Variants in KLF2 observed in about 807,000 individuals in gnomAD.
The protein encoded by KLF2 is KLF transcription factor 2.
A neutral mutation model predicts 22.2 loss-of-function variants in KLF2; 9 were observed. The ratio of observed to expected loss-of-function variants is 0.40; its 90% CI spans 0.24 to 0.71. KLF2 has a LOEUF of 0.71. Among genes scored for constraint, KLF2 ranks in the 30% least tolerant of loss-of-function variants. The pLI is 0.35. For synonymous variants in KLF2, 299 were observed against 264.2 expected (o/e 1.13, Z -1.28); for missense variants, 481 against 542.1 (o/e 0.89, Z 1.12).
rs1259142892 is a variant in KLF2, at chr19:16,327,351, T to C, written c.*320T>C. ...GAGGCTTGTGATGCCTTGTGAGAAA[T>C]AAGGGCCTTAATTTGTACTGTCTGC... On this transcript the variant is annotated 3_prime_UTR_variant, in exon 3 of 3. Coordinates refer to ENST00000248071, the MANE Select transcript of KLF2 (RefSeq NM_016270.4). The C allele has an allele frequency of 3.4e-6, 1 of 289,864 alleles. No individual in the cohort carries two copies. Among genetic ancestry groups the C allele is most frequent in the African/African-American group, 2.2e-5 (1 of 45,428 alleles). 18.0% of individuals were successfully genotyped at this position (289,864 alleles called of 1,614,324 possible).
In KLF2 at chr19:16,325,381, C is replaced by T. The variant is rs1377708631; in HGVS notation, c.241C>T (p.Pro81Ser). The T allele has an allele frequency of 7.0e-7, 1 of 1,427,802 alleles. No individual in the cohort carries two copies. Among genetic ancestry groups the T allele is most frequent in the Non-Finnish European group, 9.1e-7 (1 of 1,102,692 alleles). 88.4% of individuals were successfully genotyped at this position (1,427,802 alleles called of 1,614,324 possible). The stretch of plus-strand genomic sequence containing the variant: ...GTTCTATTACCCCGAACCCGGCGCG[C>T]CCCCGCCCTACAGCGCCCCCGCGGG... ...PAFYYPEPGA[P>S]PPYSAPAGGL... The change falls in exon 2 of 3, where the codon CCC becomes TCC. Residue 81 changes from proline (P) to serine (S), a missense_variant. Physicochemically the swap from Pro to Ser is moderately conservative, Grantham distance 74. Around this residue, in one of 2 missense-constraint regions of KLF2, gnomAD observed 421 missense variants for 435.1 expected, o/e 0.97. Coordinates refer to ENST00000248071, the MANE Select transcript of KLF2 (RefSeq NM_016270.4).
At position 16,326,983 on chromosome 19, in the gene KLF2, C is replaced by T. The variant is rs763410899; in HGVS notation, c.1020C>T (p.Ala340=). The T allele has an allele frequency of 6.2e-7, 1 of 1,612,880 alleles. No individual in the cohort carries two copies. Among genetic ancestry groups the T allele is most frequent in the Non-Finnish European group, 8.5e-7 (1 of 1,179,714 alleles). The change falls in exon 3 of 3, where the codon GCC becomes GCT. Residue 340 remains alanine (A), a synonymous_variant. Transcript: ENST00000248071. The part of the protein sequence containing the change: ...RPFQCHLCDR[A]FSRSDHLALH... ...TCCAGTGCCATCTGTGCGATCGTGC[C>T]TTCTCGCGCTCCGATCACCTGGCGC...
intron 2 of KLF2, among the ~76,000 whole-genome samples, chr19:16,326,437 G>A (rs532961837): frequency 3.1e-4 from 47 of 152,146 alleles, no homozygotes; most frequent in Non-Finnish European, 5.6e-4. Flanking sequence ...TAGTTGGGGA[G>A]TAGGTGCGCG....
Position 16,325,935 on chromosome 19 carries a change from C to A in KLF2, c.795C>A (p.Pro265=). 1 of 1,530,350 alleles carries A rather than the reference C, an allele frequency of 6.5e-7. No individual in the cohort carries two copies. Among genetic ancestry groups the A allele is most frequent in the Non-Finnish European group, 8.8e-7 (1 of 1,140,258 alleles). The allele number at this position is 1,530,350 out of a possible 1,614,324, so 94.8% of individuals were successfully genotyped here. A position where few individuals can be genotyped will look rare whatever the true frequency, so the allele number is the denominator to read the frequency against. Residue 265 remains proline (P), a synonymous_variant, in exon 2 of 3, where the codon CCC becomes CCA. Coordinates refer to ENST00000248071, the MANE Select transcript of KLF2 (RefSeq NM_016270.4). ...CAAAGCGCGGCCGCCGCTCTTGGCC[C>A]CGCAAACGCACCGCCACTCACACCT... The part of the protein sequence containing the change: ...AKPKRGRRSW[P]RKRTATHTCS...
In KLF2 at chr19:16,325,614, G is replaced by C. The variant is rs1393887110; in HGVS notation, c.474G>C (p.Ser158=). Reference sequence around the variant, plus strand: ...AGGGCGCCCCGGGCCCGGCGGCTTCGTGCATGCGAGGTCCCGGGGGCCGCC... The same window carrying C: ...AGGGCGCCCCGGGCCCGGCGGCTTCCTGCATGCGAGGTCCCGGGGGCCGCC... ...KREGAPGPAA[S]CMRGPGGRPP... The change falls in exon 2 of 3, where the codon TCG becomes TCC. Residue 158 remains serine, a synonymous_variant. Coordinates refer to ENST00000248071, the MANE Select transcript of KLF2 (RefSeq NM_016270.4). 2 of 1,116,778 alleles carry C rather than the reference G, an allele frequency of 1.8e-6. No individual in the cohort carries two copies. Among genetic ancestry groups the C allele is most frequent in the African/African-American group, 3.4e-5 (2 of 59,632 alleles). The allele number at this position is 1,116,778 out of a possible 1,614,324, so 69.2% of individuals were successfully genotyped here. A position where few individuals can be genotyped will look rare whatever the true frequency, so the allele number is the denominator to read the frequency against.
Position 16,327,924 on chromosome 19 carries a change from T to G in KLF2, c.*893T>G, listed in dbSNP as rs978947898. On this transcript the variant is annotated 3_prime_UTR_variant, in exon 3 of 3. Transcript: ENST00000248071. ...CTGGAGTGCCAGCTCTATATTTTTA[T>G]TTTTATTTTTAAAGGGGGTTAACCT... 2.0e-4 allele frequency: 30 copies of G among 152,150 alleles called. No homozygotes were observed. The highest frequency in any genetic ancestry group is 2.0e-3 in the Admixed American group (30 of 15,260). 9.4% of individuals were successfully genotyped at this position (152,150 alleles called of 1,614,324 possible).
At position 16,325,641 on chromosome 19, in the gene KLF2, CCCG is replaced by C; in HGVS notation, c.510_512del (p.Pro171del). ...GCATGCGAGGTCCCGGGGGCCGCCC[CCCG>C]CCGCCGCCCGACACACCGCCGCTCA... On this transcript the variant is annotated inframe_deletion, in exon 2 of 3. Transcript: ENST00000248071. 2 of 1,067,798 alleles carry C rather than the reference CCCG, an allele frequency of 1.9e-6. No homozygotes were observed. Among genetic ancestry groups the C allele is most frequent in the Non-Finnish European group, 2.3e-6 (2 of 887,358 alleles). The allele number at this position is 1,067,798 out of a possible 1,614,324, so 66.1% of individuals were successfully genotyped here.
At position 16,327,156 on chromosome 19, in the gene KLF2, A is replaced by C; in HGVS notation, c.*125A>C. 3.2e-6 allele frequency: 3 copies of C among 944,082 alleles called. No individual in the cohort carries two copies. The highest frequency in any genetic ancestry group is 4.5e-6 in the Non-Finnish European group (3 of 660,218). 58.5% of individuals were successfully genotyped at this position (944,082 alleles called of 1,614,324 possible). A position where few individuals can be genotyped will look rare whatever the true frequency, so the allele number is the denominator to read the frequency against. On this transcript the variant is annotated 3_prime_UTR_variant, in exon 3 of 3. Transcript: ENST00000248071. ...ACCGGGCCGGGCACAGCGTGGCTAC[A>C]GAGGGTCTCCCTCGATGACGACGAC...
In KLF2 at chr19:16,326,964, G is replaced by T; in HGVS notation, c.1001G>T (p.Cys334Phe). ...CACACGGGCCACCGGCCATTCCAGT[G>T]CCATCTGTGCGATCGTGCCTTCTCG... ...RKHTGHRPFQ[C>F]HLCDRAFSRS... Residue 334 changes from cysteine (C) to phenylalanine (F), a missense_variant, in exon 3 of 3, where the codon TGC (cysteine) becomes TTC (phenylalanine). Transcript: ENST00000248071. The T allele has an allele frequency of 6.2e-7, 1 of 1,613,518 alleles. No homozygotes were observed.
chr19:16,325,404 G>C lies in KLF2; in HGVS notation c.264G>C (p.Ala88=). The change falls in exon 2 of 3, where the codon GCG becomes GCC. Residue 88 remains alanine (A), a synonymous_variant. Coordinates refer to ENST00000248071, the MANE Select transcript of KLF2 (RefSeq NM_016270.4). ...CGCCCCCGCCCTACAGCGCCCCCGC[G>C]GGTGGCCTGGTGTCTGAGCTGCTGC... The part of the protein sequence containing the change: ...PGAPPPYSAP[A]GGLVSELLRP... 2.1e-6 allele frequency: 3 copies of C among 1,424,804 alleles called. No homozygotes were observed. The highest frequency in any genetic ancestry group is 2.7e-6 in the Non-Finnish European group (3 of 1,101,148). The allele number at this position is 1,424,804 out of a possible 1,614,324, so 88.3% of individuals were successfully genotyped here.
In KLF2 at chr19:16,327,139, G is replaced by A; in HGVS notation, c.*108G>A. ...TTTATTGGACCCAGAGAACCGGGCCGGGCACAGCGTGGCTACAGAGGGTCT... is the reference window on the plus strand; with the variant it reads ...TTTATTGGACCCAGAGAACCGGGCCAGGCACAGCGTGGCTACAGAGGGTCT... On this transcript the variant is annotated 3_prime_UTR_variant, in exon 3 of 3. Transcript: ENST00000248071. 5 of 1,127,326 alleles carry A rather than the reference G, an allele frequency of 4.4e-6. No homozygotes were observed. The highest frequency in any genetic ancestry group is 2.7e-5 in the East Asian group (1 of 37,536). 69.8% of individuals were successfully genotyped at this position (1,127,326 alleles called of 1,614,324 possible). A position where few individuals can be genotyped will look rare whatever the true frequency, so the allele number is the denominator to read the frequency against.
Position 16,328,578 on chromosome 19 carries a change from C to T in KLF2, c.*1547C>T, listed in dbSNP as rs2091896911. ...CTGCATCCTTCCTCCTCCCCAACTA[C>T]GGCAGCCCTGGAAACAGCTGAGAGG... On this transcript the variant is annotated 3_prime_UTR_variant, in exon 3 of 3. Coordinates refer to ENST00000248071, the MANE Select transcript of KLF2 (RefSeq NM_016270.4). Among the ~76,000 whole-genome samples, 1 of 152,196 alleles carries T rather than the reference C, an allele frequency of 6.6e-6. No homozygotes were observed. The highest frequency in any genetic ancestry group is 1.5e-5 in the Non-Finnish European group (1 of 68,038).
At chr19:16,326,232 A>G (rs999930303) in intron 2 of KLF2, among the ~76,000 whole-genome samples, 200 bp downstream of exon 2, 4 of 141,132 alleles carry the variant, frequency 2.8e-5, no homozygotes, top group African/African-American at 1.1e-4. Context: ...AACACTCCCT[A>G]AGGAAGTGTG....
Position 16,325,438 on chromosome 19 carries a change from C to A in KLF2, c.298C>A (p.Leu100Met), listed in dbSNP as rs1294007404. 1 of 1,416,542 alleles carries A rather than the reference C, an allele frequency of 7.1e-7. No individual in the cohort carries two copies. The highest frequency in any genetic ancestry group is 9.1e-7 in the Non-Finnish European group (1 of 1,094,188). 87.7% of individuals were successfully genotyped at this position (1,416,542 alleles called of 1,614,324 possible). A position where few individuals can be genotyped will look rare whatever the true frequency, so the allele number is the denominator to read the frequency against. The change falls in exon 2 of 3, where the codon CTG becomes ATG. Residue 100 changes from leucine to methionine, a missense_variant. Around this residue, in one of 2 missense-constraint regions of KLF2, gnomAD observed 421 missense variants for 435.1 expected, o/e 0.97. Coordinates refer to ENST00000248071, the MANE Select transcript of KLF2 (RefSeq NM_016270.4). ...GGTGTCTGAGCTGCTGCGACCCGAG[C>A]TGGATGCGCCGCTGGGGCCCGCACT... Reference protein sequence around the residue: ...GLVSELLRPELDAPLGPALHG... With the variant: ...GLVSELLRPEMDAPLGPALHG...
rs1160761005 is a variant in KLF2, at chr19:16,328,210, C to T, written c.*1179C>T. 6.6e-6 allele frequency among the ~76,000 whole-genome samples: 1 copy of T among 152,038 alleles called. No homozygotes were observed. Among genetic ancestry groups the T allele is most frequent in the Admixed American group, 6.6e-5 (1 of 15,236 alleles). On this transcript the variant is annotated 3_prime_UTR_variant, in exon 3 of 3. Transcript: ENST00000248071. ...GGGAGTGGTAGCTTTCTACAATGACCCACCTGTTGTGTGCATTGGAAGGCT... is the reference window on the plus strand; with the variant it reads ...GGGAGTGGTAGCTTTCTACAATGACTCACCTGTTGTGTGCATTGGAAGGCT...
Position 16,325,813 on chromosome 19 carries a change from G to C in KLF2, c.673G>C (p.Ala225Pro), listed in dbSNP as rs1248490253. The C allele has an allele frequency of 1.5e-6, 2 of 1,349,912 alleles. No homozygotes were observed. The highest frequency in any genetic ancestry group is 1.5e-5 in the African/African-American group (1 of 64,726). The allele number at this position is 1,349,912 out of a possible 1,614,324, so 83.6% of individuals were successfully genotyped here. The change falls in exon 2 of 3, where the codon GCG (alanine) becomes CCG (proline). Residue 225 changes from alanine (A) to proline (P), a missense_variant. Physicochemically the swap from Ala to Pro is conservative, Grantham distance 27. Transcript: ENST00000248071. ...CCCAGCCTTCGGTCTCTTCGACGAC[G>C]CGGCCGCCGCCGCGGCAGCCCTGGG... Reference protein sequence around the residue: ...APPAFGLFDDAAAAAAALGLA... With the variant: ...APPAFGLFDDPAAAAAALGLA...
In KLF2 at chr19:16,326,844, C is replaced by G. The variant is rs199587270; in HGVS notation, c.893-12C>G. On this transcript the variant is annotated splice_polypyrimidine_tract_variant and intron_variant, in intron 2 of 2. Coordinates refer to ENST00000248071, the MANE Select transcript of KLF2 (RefSeq NM_016270.4). Reference sequence around the variant, plus strand: ...AGGGGAACTGACGCTTACTCTCGCCCCCTCCCTGCAGGTGAGAAGCCCTAC... The same window carrying G: ...AGGGGAACTGACGCTTACTCTCGCCGCCTCCCTGCAGGTGAGAAGCCCTAC... 3 of 1,603,892 alleles carry G rather than the reference C, an allele frequency of 1.9e-6. No individual in the cohort carries two copies. The highest frequency in any genetic ancestry group is 2.6e-6 in the Non-Finnish European group (3 of 1,175,514).
In KLF2 at chr19:16,325,545, C is replaced by T. The variant is rs1443724199; in HGVS notation, c.405C>T (p.Gly135=). The T allele has an allele frequency of 2.4e-5, 30 of 1,252,082 alleles. No individual in the cohort carries two copies. In the South Asian group the frequency reaches 6.5e-4, roughly 27 times the overall value. The allele number at this position is 1,252,082 out of a possible 1,614,324, so 77.6% of individuals were successfully genotyped here. ...PPEADGGGGY[G]CAPGLTRGPR... ...AAGCGGACGGCGGCGGCGGCTACGGCTGCGCCCCCGGGCTGACCCGTGGAC... is the reference window on the plus strand; with the variant it reads ...AAGCGGACGGCGGCGGCGGCTACGGTTGCGCCCCCGGGCTGACCCGTGGAC... The change falls in exon 2 of 3, where the codon GGC becomes GGT. Residue 135 remains glycine, a synonymous_variant. Transcript: ENST00000248071.
rs1019432277 is a variant in KLF2, at chr19:16,325,698, G to T, written c.558G>T (p.Ala186=). The stretch of plus-strand genomic sequence containing the variant: ...CCGACGGCCCCGCGCGCCTGCCCGC[G>T]CCCGGTCCGCGCGCCTCCTTCCCGC... ...LSPDGPARLP[A]PGPRASFPPP... Residue 186 remains alanine, a synonymous_variant, in exon 2 of 3, where the codon GCG becomes GCT. Transcript: ENST00000248071. 30 of 1,147,772 alleles carry T rather than the reference G, an allele frequency of 2.6e-5. No individual in the cohort carries two copies. The African/African-American group carries it at 4.6e-4, about 18-fold the overall frequency. The allele number at this position is 1,147,772 out of a possible 1,614,324, so 71.1% of individuals were successfully genotyped here.
Sources: allele counts gnomAD v4.1 joint callset (sites outside exome capture counted in the v4.1 genomes callset), GRCh38; gene constraint gnomAD v4.1.1; regional missense constraint gnomAD v4.1.1; transcripts MANE v1.5; gene names NCBI Gene and HGNC (gene_info 2026-07-23, HGNC 2026-07-21).